FAM47B: variants seen among roughly 807,000 people sequenced by gnomAD.
FAM47B encodes the protein family with sequence similarity 47 member B, also known as protein FAM47B.
For missense variants in FAM47B, 581 were observed against 550.1 expected (o/e 1.06, Z -0.56); for synonymous variants, 247 against 215.8 (o/e 1.14, Z -1.27).
chrX:34,944,683 T>TA lies in FAM47B; in HGVS notation c.1853dup (p.Tyr618Ter). The change falls in exon 1 of 1, where the codon TAC becomes TAAC. Residue 618 changes from tyrosine (Y) to a stop codon, truncating the protein, a stop_gained and frameshift_variant. Transcript: ENST00000329357. LOFTEE classifies it low-confidence loss of function (END_TRUNC). ...GCTGTTTGCCAAGAAGGGATGGACT[T>TA]ACGACTCTGTTAAGACTCCTATTCA... is the stretch of plus-strand genomic sequence containing the variant. ...EKLFAKKGWTYDSVKTPIQRA... is the reference protein window; with the variant it reads ...EKLFAKKGWT 4.1e-6 allele frequency: 5 copies of TA among 1,210,665 alleles called. No homozygotes were observed. Among genetic ancestry groups the TA allele is most frequent in the Non-Finnish European group, 4.5e-6 (4 of 894,808 alleles).
In FAM47B at chrX:34,944,843, T is replaced by C; in HGVS notation, c.*74T>C. Reference sequence around the variant, plus strand: ...AACATCAATCAGAATTTATGATGACTGGCCCCGTGAATGTACAACTTTGGC... The same window carrying C: ...AACATCAATCAGAATTTATGATGACCGGCCCCGTGAATGTACAACTTTGGC... On this transcript the variant is annotated 3_prime_UTR_variant, in exon 1 of 1. Coordinates refer to ENST00000329357, the MANE Select transcript of FAM47B (RefSeq NM_152631.3). The C allele has an allele frequency of 1.9e-6, 2 of 1,075,185 alleles. No homozygotes were observed. The highest frequency in any genetic ancestry group is 2.5e-6 in the Non-Finnish European group (2 of 812,120). 88.6% of individuals were successfully genotyped at this position (1,075,185 alleles called of 1,213,427 possible). A position where few individuals can be genotyped will look rare whatever the true frequency, so the allele number is the denominator to read the frequency against.
In FAM47B at chrX:34,943,191, A is replaced by T. The variant is rs1926804653; in HGVS notation, c.360A>T (p.Glu120Asp). The change falls in exon 1 of 1, where the codon GAA becomes GAT. Residue 120 changes from glutamate (E) to aspartate (D), a missense_variant. Glu to Asp is a conservative substitution (Grantham distance 45). Coordinates refer to ENST00000329357, the MANE Select transcript of FAM47B (RefSeq NM_152631.3). ...CAGCACGGAAGGCGTTCGTAGAGGA[A>T]GTGGAAGCCCAGCTGATGACCAAGC... The part of the protein sequence containing the change: ...VQPARKAFVE[E>D]VEAQLMTKHP... 1.7e-6 allele frequency: 2 copies of T among 1,211,241 alleles called. No homozygotes were observed. The highest frequency in any genetic ancestry group is 5.9e-5 in the East Asian group (2 of 33,789).
Position 34,944,591 on chromosome X carries a change from A to G in FAM47B, c.1760A>G (p.Tyr587Cys), listed in dbSNP as rs760524670. The change falls in exon 1 of 1, where the codon TAT becomes TGT. Residue 587 changes from tyrosine to cysteine, a missense_variant. Coordinates refer to ENST00000329357, the MANE Select transcript of FAM47B (RefSeq NM_152631.3). ...PDEPDILDGL[Y>C]GPIAFKDFIL... ...GAACCCGACATTCTTGACGGTCTTT[A>G]TGGACCAATTGCCTTTAAGGATTTC... The G allele has an allele frequency of 8.3e-7, 1 of 1,210,382 alleles. No individual in the cohort carries two copies.
At position 34,943,011 on chromosome X, in the gene FAM47B, C is replaced by T. The variant is rs1251719858; in HGVS notation, c.180C>T (p.Tyr60=). The part of the protein sequence containing the change: ...FVTEGMDDFR[Y]ACQSPEDTLV... ...CGGAGGGCATGGACGACTTCCGCTACGCCTGTCAGTCTCCTGAAGATACGC... is the reference window on the plus strand; with the variant it reads ...CGGAGGGCATGGACGACTTCCGCTATGCCTGTCAGTCTCCTGAAGATACGC... Residue 60 remains tyrosine (Y), a synonymous_variant, in exon 1 of 1, where the codon TAC becomes TAT. Coordinates refer to ENST00000329357, the MANE Select transcript of FAM47B (RefSeq NM_152631.3). The T allele has an allele frequency of 3.3e-6, 4 of 1,210,900 alleles. No homozygotes were observed. The highest frequency in any genetic ancestry group is 4.5e-6 in the Non-Finnish European group (4 of 895,441).
Position 34,944,083 on chromosome X carries a change from C to G in FAM47B, c.1252C>G (p.Arg418Gly), listed in dbSNP as rs143391263. The change falls in exon 1 of 1, where the codon CGT (arginine) becomes GGT (glycine). Residue 418 changes from arginine (R) to glycine (G), a missense_variant. By Grantham distance (125) the Arg-to-Gly change is moderately radical. Transcript: ENST00000329357. ...TCTCTGCCTGAAGCCTCCCAAGACT[C>G]GTCGGGTGTCCAGTCTCTGCCCGGA... is the stretch of plus-strand genomic sequence containing the variant. ...ASLCLKPPKT[R>G]RVSSLCPEPT... 9 of 1,197,241 alleles carry G rather than the reference C, an allele frequency of 7.5e-6. No individual in the cohort carries two copies. Among genetic ancestry groups the G allele is most frequent in the Admixed American group, 6.8e-5 (3 of 44,333 alleles).
At position 34,943,867 on chromosome X, in the gene FAM47B, C is replaced by CT; in HGVS notation, c.1037dup (p.Gln347ThrfsTer8). The CT allele has an allele frequency of 8.3e-7, 1 of 1,209,385 alleles. No individual in the cohort carries two copies. The highest frequency in any genetic ancestry group is 1.8e-5 in the African/African-American group (1 of 56,891). ...CACTCATCGGGTGTCCAGTTTCCTA[C>CT]TACAGGTGCTGAAACTGGATTCTGA... On this transcript the variant is annotated frameshift_variant, in exon 1 of 1. Coordinates refer to ENST00000329357, the MANE Select transcript of FAM47B (RefSeq NM_152631.3). LOFTEE classifies it low-confidence loss of function (END_TRUNC).
Position 34,943,172 on chromosome X carries a change from G to A in FAM47B, c.341G>A (p.Arg114Gln), listed in dbSNP as rs146758510. Residue 114 changes from arginine (R) to glutamine (Q), a missense_variant, in exon 1 of 1, where the codon CGG becomes CAG. Physicochemically the swap from Arg to Gln is conservative, Grantham distance 43. Coordinates refer to ENST00000329357, the MANE Select transcript of FAM47B (RefSeq NM_152631.3). ...FSELSPVQPA[R>Q]KAFVEEVEAQ... ...GAGCTCTCGCCAGTACAGCCAGCAC[G>A]GAAGGCGTTCGTAGAGGAAGTGGAA... is the stretch of plus-strand genomic sequence containing the variant. 820 of 1,209,658 alleles carry A rather than the reference G, an allele frequency of 6.8e-4. 3 individuals carry two copies. The South Asian group carries it at 9.1e-3, about 13-fold the overall frequency.
At position 34,943,994 on chromosome X, in the gene FAM47B, G is replaced by T. The variant is rs202142258; in HGVS notation, c.1163G>T (p.Arg388Leu). Residue 388 changes from arginine (R) to leucine (L), a missense_variant, in exon 1 of 1, where the codon CGG (arginine) becomes CTG (leucine). Coordinates refer to ENST00000329357, the MANE Select transcript of FAM47B (RefSeq NM_152631.3). ...TACCATTTTTGGGAATCCTGTCCGC[G>T]GCCTTTTGAGAGTCGGATGCCCCAT... ...GKYHFWESCP[R>L]PFESRMPHLR... 8.3e-7 allele frequency: 1 copy of T among 1,207,640 alleles called. No individual in the cohort carries two copies. Among genetic ancestry groups the T allele is most frequent in the Non-Finnish European group, 1.1e-6 (1 of 894,771 alleles).
rs1369680770 is a variant in FAM47B, at chrX:34,943,952, T to C, written c.1121T>C (p.Leu374Pro). The part of the protein sequence containing the change: ...CEGQEMTTEE[L>P]TKPGKYHFWE... ...GGCCAGGAGATGACAACCGAGGAAC[T>C]CACCAAGCCTGGTAAATACCATTTT... Residue 374 changes from leucine (L) to proline (P), a missense_variant, in exon 1 of 1, where the codon CTC (leucine) becomes CCC (proline). Physicochemically the swap from Leu to Pro is moderately conservative, Grantham distance 98. Coordinates refer to ENST00000329357, the MANE Select transcript of FAM47B (RefSeq NM_152631.3). The C allele has an allele frequency of 7.4e-6, 9 of 1,208,547 alleles. No homozygotes were observed. The South Asian group carries it at 8.8e-5, about 12-fold the overall frequency.
rs1926802468 is a variant in FAM47B, at chrX:34,943,137, C to A, written c.306C>A (p.Ala102=). Residue 102 remains alanine, a synonymous_variant, in exon 1 of 1, where the codon GCC becomes GCA. Coordinates refer to ENST00000329357, the MANE Select transcript of FAM47B (RefSeq NM_152631.3). ...AGAAAAAGCTGCTCAAGAAAGCGGC[C>A]CTATTTTCCGAGCTCTCGCCAGTAC... is the stretch of plus-strand genomic sequence containing the variant. ...SRKKKLLKKA[A]LFSELSPVQP... 1 of 1,211,818 alleles carries A rather than the reference C, an allele frequency of 8.3e-7. No individual in the cohort carries two copies. The highest frequency in any genetic ancestry group is 1.1e-6 in the Non-Finnish European group (1 of 895,520).
rs371133015 is a variant in FAM47B at position 34,943,834 on chromosome X, C to G, written c.1003C>G (p.Pro335Ala). The G allele has an allele frequency of 1.7e-6, 2 of 1,205,549 alleles. No individual in the cohort carries two copies. Among genetic ancestry groups the G allele is most frequent in the African/African-American group, 1.8e-5 (1 of 55,558 alleles). ...EAGVSHLCLE[P>A]PNTHRVSSFL... ...TGGAGTGTCCCATCTCTGCCTGGAA[C>G]CTCCCAACACTCATCGGGTGTCCAG... is the stretch of plus-strand genomic sequence containing the variant. The change falls in exon 1 of 1, where the codon CCT (proline) becomes GCT (alanine). Residue 335 changes from proline (P) to alanine (A), a missense_variant. Pro to Ala is a conservative substitution (Grantham distance 27, BLOSUM62 -1). Transcript: ENST00000329357.
Position 34,943,097 on chromosome X carries a change from A to G in FAM47B, c.266A>G (p.Asp89Gly). 8.3e-7 allele frequency: 1 copy of G among 1,211,680 alleles called. No homozygotes were observed. The highest frequency in any genetic ancestry group is 1.1e-6 in the Non-Finnish European group (1 of 895,531). ...ATATCTCTCAGAGGTCCCCAAGCTG[A>G]CCGCAAAAGCAGGAAGAAAAAGCTG... is the stretch of plus-strand genomic sequence containing the variant. ...PKISLRGPQA[D>G]RKSRKKKLLK... The change falls in exon 1 of 1, where the codon GAC becomes GGC. Residue 89 changes from aspartate (D) to glycine (G), a missense_variant. Coordinates refer to ENST00000329357, the MANE Select transcript of FAM47B (RefSeq NM_152631.3).
Position 34,944,566 on chromosome X carries a change from G to A in FAM47B, c.1735G>A (p.Glu579Lys). The change falls in exon 1 of 1, where the codon GAA (glutamate) becomes AAA (lysine). Residue 579 changes from glutamate to lysine, a missense_variant. Physicochemically the swap from Glu to Lys is moderately conservative, Grantham distance 56 (BLOSUM62 1). Coordinates refer to ENST00000329357, the MANE Select transcript of FAM47B (RefSeq NM_152631.3). ...CAAGCCCGTACTTGAAAAGCCTGAT[G>A]AACCCGACATTCTTGACGGTCTTTA... ...DPKPVLEKPD[E>K]PDILDGLYGP... 1 of 1,209,664 alleles carries A rather than the reference G, an allele frequency of 8.3e-7. No homozygotes were observed. The highest frequency in any genetic ancestry group is 3.0e-5 in the East Asian group (1 of 33,776).
At position 34,943,479 on chromosome X, in the gene FAM47B, C is replaced by A. The variant is rs771203821; in HGVS notation, c.648C>A (p.Pro216=). The change falls in exon 1 of 1, where the codon CCC becomes CCA. Residue 216 remains proline (P), a synonymous_variant. Coordinates refer to ENST00000329357, the MANE Select transcript of FAM47B (RefSeq NM_152631.3). ...TGTCCAGTCGCCGCCCAGAGCCTCCCAAGACTCGGGTGTCCAGTCTCCGCC... is the reference window on the plus strand; with the variant it reads ...TGTCCAGTCGCCGCCCAGAGCCTCCAAAGACTCGGGTGTCCAGTCTCCGCC... ...TPVSSRRPEP[P]KTRVSSLRPE... 8.3e-7 allele frequency: 1 copy of A among 1,208,134 alleles called. No individual in the cohort carries two copies. Among genetic ancestry groups the A allele is most frequent in the East Asian group, 3.0e-5 (1 of 33,596 alleles).
chrX:34,943,486 C>G lies in FAM47B; in HGVS notation c.655C>G (p.Arg219Gly), dbSNP rs777489815. ...SSRRPEPPKT[R>G]VSSLRPEPPK... ...TCGCCGCCCAGAGCCTCCCAAGACT[C>G]GGGTGTCCAGTCTCCGCCCAGAGCC... Residue 219 changes from arginine to glycine, a missense_variant, in exon 1 of 1, where the codon CGG (arginine) becomes GGG (glycine). Physicochemically the swap from Arg to Gly is moderately radical, Grantham distance 125. Coordinates refer to ENST00000329357, the MANE Select transcript of FAM47B (RefSeq NM_152631.3). The G allele has an allele frequency of 8.3e-7, 1 of 1,207,904 alleles. No individual in the cohort carries two copies. The highest frequency in any genetic ancestry group is 1.8e-5 in the African/African-American group (1 of 56,565).
rs151033833 is a variant in FAM47B, at chrX:34,944,222, G to A, written c.1391G>A (p.Arg464His). 77 of 1,209,901 alleles carry A rather than the reference G, an allele frequency of 6.4e-5. No homozygotes were observed. The African/African-American group carries it at 1.2e-3, about 18-fold the overall frequency. The change falls in exon 1 of 1, where the codon CGT (arginine) becomes CAT (histidine). Residue 464 changes from arginine (R) to histidine (H), a missense_variant. Coordinates refer to ENST00000329357, the MANE Select transcript of FAM47B (RefSeq NM_152631.3). ...LQRRHTSRKLRDFKWAGDLGV... is the reference protein window; with the variant it reads ...LQRRHTSRKLHDFKWAGDLGV... Reference sequence around the variant, plus strand: ...CGTAGACACACATCGAGAAAACTCCGTGACTTCAAGTGGGCTGGAGACCTA... The same window carrying A: ...CGTAGACACACATCGAGAAAACTCCATGACTTCAAGTGGGCTGGAGACCTA...
chrX:34,942,906 G>T lies in FAM47B; in HGVS notation c.75G>T (p.Pro25=), dbSNP rs763688738. ...CCAAGCCCTGGTACTGTGACAAACC[G>T]CCTTCCAAGTACTTCGCGAAGCGCA... The part of the protein sequence containing the change: ...MDSKPWYCDK[P]PSKYFAKRKH... Residue 25 remains proline, a synonymous_variant, in exon 1 of 1, where the codon CCG becomes CCT. Transcript: ENST00000329357. 1.4e-5 allele frequency: 17 copies of T among 1,210,709 alleles called. No individual in the cohort carries two copies. The highest frequency in any genetic ancestry group is 1.8e-5 in the Non-Finnish European group (16 of 895,284).
At position 34,944,220 on chromosome X, in the gene FAM47B, CCGTGACTT is replaced by C. The variant is rs1380574850; in HGVS notation, c.1391_1398del (p.Arg464GlnfsTer9). 2 of 1,209,891 alleles carry C rather than the reference CCGTGACTT, an allele frequency of 1.7e-6. No homozygotes were observed. The highest frequency in any genetic ancestry group is 2.2e-6 in the Non-Finnish European group (2 of 895,305). On this transcript the variant is annotated frameshift_variant, in exon 1 of 1. Coordinates refer to ENST00000329357, the MANE Select transcript of FAM47B (RefSeq NM_152631.3). LOFTEE classifies it low-confidence loss of function (END_TRUNC). ...AACGTAGACACACATCGAGAAAACT[CCGTGACTT>C]CAAGTGGGCTGGAGACCTAGGAGTT...
chrX:34,943,540 C>G lies in FAM47B; in HGVS notation c.709C>G (p.Pro237Ala). The G allele has an allele frequency of 5.0e-6, 6 of 1,210,634 alleles. No individual in the cohort carries two copies. Among genetic ancestry groups the G allele is most frequent in the Non-Finnish European group, 6.7e-6 (6 of 895,196 alleles). Residue 237 changes from proline to alanine, a missense_variant, in exon 1 of 1, where the codon CCG becomes GCG. Physicochemically the swap from Pro to Ala is conservative, Grantham distance 27. Transcript: ENST00000329357. ...CAAGACTCGGGTGTCCAGTCTCCACCCGGAACCTCCAGAGACTCGCGCATC... is the reference window on the plus strand; with the variant it reads ...CAAGACTCGGGTGTCCAGTCTCCACGCGGAACCTCCAGAGACTCGCGCATC... Reference protein sequence around the residue: ...PPKTRVSSLHPEPPETRASHL... With the variant: ...PPKTRVSSLHAEPPETRASHL...
Sources: allele counts gnomAD v4.1 joint callset, GRCh38; gene constraint gnomAD v4.1.1; transcripts MANE v1.5; gene names NCBI Gene and HGNC (gene_info 2026-07-23, HGNC 2026-07-21).